RPS6KA2: variants seen among roughly 807,000 people sequenced by gnomAD.
RPS6KA2 encodes ribosomal protein S6 kinase alpha-2.
A neutral mutation model predicts 91.8 loss-of-function variants in RPS6KA2; 42 were observed. That is an observed-to-expected ratio of 0.46 (90% CI 0.36 to 0.59). The LOEUF (loss-of-function observed/expected upper bound fraction) is 0.59, where lower values mean the gene tolerates loss of function less well. Among genes scored for constraint, RPS6KA2 ranks in the 20% least tolerant of loss-of-function variants. The pLI is 0.00. For synonymous variants in RPS6KA2, 414 were observed against 393.6 expected (o/e 1.05, Z -0.61); for missense variants, 798 against 978.5 (o/e 0.82, Z 2.46).
At chr6:166,417,425 A>G (rs1409616897) in intron 19 of RPS6KA2, among the ~76,000 whole-genome samples, 1 of 152,200 alleles carries the variant, frequency 6.6e-6, no homozygotes. Flanking sequence ...GCCTCATCCA[A>G]TCAGTGGAAG....
chr6:166,842,740 T>C (rs1156692065), intron 2 of RPS6KA2, among the ~76,000 whole-genome samples: 1 of 152,116 alleles, frequency 6.6e-6, no homozygotes, highest in East Asian at 1.9e-4. Flanking sequence ...ATCTTAAAAA[T>C]ACAGACAGGG....
intron 2 of RPS6KA2, among the ~76,000 whole-genome samples, chr6:166,853,962 C>A (rs934876367): frequency 6.6e-6 from 1 of 152,378 alleles, no homozygotes; most frequent in Non-Finnish European, 1.5e-5. Context: ...CTAGATTTTT[C>A]TTCCACGACT....
chr6:166,730,822 T>A (rs1375766602), intron 2 of RPS6KA2, among the ~76,000 whole-genome samples: 1 of 152,258 alleles, frequency 6.6e-6, no homozygotes, highest in African/African-American at 2.4e-5. Context: ...GAAACTCATT[T>A]TGATGCTGTT....
intron 2 of RPS6KA2, among the ~76,000 whole-genome samples, chr6:166,532,086 C>T (rs897086507): frequency 1.3e-5 from 2 of 152,212 alleles, no homozygotes; most frequent in African/African-American, 4.8e-5. Flanking sequence ...CACAGGCACA[C>T]GGTGCACTGG....
At chr6:166,415,900 T>C (rs1440446384) in intron 19 of RPS6KA2, among the ~76,000 whole-genome samples, 1 of 136,514 alleles carries the variant, frequency 7.3e-6, no homozygotes, top group Non-Finnish European at 1.6e-5. Context: ...ACCTCCACAA[T>C]CATCCTCACC....
chr6:166,562,964 G>A (rs553510200), intron 1 of RPS6KA2, among the ~76,000 whole-genome samples: 13 of 152,330 alleles, frequency 8.5e-5, no homozygotes, highest in Middle Eastern at 3.4e-3. Context: ...GCGCCCCGGC[G>A]GGACAGACTG....
chr6:166,521,153 C>T (rs1206633592), intron 3 of RPS6KA2, among the ~76,000 whole-genome samples: 6 of 152,224 alleles, frequency 3.9e-5, no homozygotes, highest in African/African-American at 1.4e-4. Context: ...TTCTCTTTTC[C>T]CCACCATGGG....
chr6:166,618,978 C>T (rs1329413540), intron 1 of RPS6KA2, among the ~76,000 whole-genome samples: 3 of 152,064 alleles, frequency 2.0e-5, no homozygotes, highest in Non-Finnish European at 4.4e-5. Context: ...GCCCACAAGC[C>T]CTGTGCGTAT....
chr6:166,613,492 C>T (rs548910318), intron 1 of RPS6KA2, among the ~76,000 whole-genome samples: 21 of 152,176 alleles, frequency 1.4e-4, no homozygotes, highest in Non-Finnish European at 2.6e-4. Context: ...AGCTACTCAC[C>T]CTGCTTCACG....
At chr6:166,718,805 A>C (rs1790092620) in intron 2 of RPS6KA2, among the ~76,000 whole-genome samples, 1 of 152,206 alleles carries the variant, frequency 6.6e-6, no homozygotes, top group Admixed American at 6.5e-5. Context: ...ACTTAATGAA[A>C]AGTGAGATCC....
chr6:166,650,472 G>A (rs932521764), intron 2 of RPS6KA2, among the ~76,000 whole-genome samples: 1 of 151,514 alleles, frequency 6.6e-6, no homozygotes, highest in Non-Finnish European at 1.5e-5. Flanking sequence ...CATGTTCACC[G>A]TCCTCTTTTC....
chr6:166,745,707 G>A lies in RPS6KA2; in HGVS notation c.123+112493C>T, dbSNP rs148386663. ...GGTGACAACAGTGCCTGGGCGCTGC[G>A]GCAAAAATGCTGAGAGCTGGCAGCT... On this transcript the variant is annotated intron_variant, in intron 2 of 21. Coordinates refer to the RPS6KA2 transcript ENST00000503859. Among the ~76,000 whole-genome samples, 210 of 152,144 alleles carry A rather than the reference G, an allele frequency of 1.4e-3. 1 individual carries two copies. Among genetic ancestry groups the A allele is most frequent in the East Asian group, 0.01 (53 of 5,172 alleles).
chr6:166,617,699 A>G (rs1786466404), intron 1 of RPS6KA2, among the ~76,000 whole-genome samples: 1 of 152,250 alleles, frequency 6.6e-6, no homozygotes, highest in Non-Finnish European at 1.5e-5. Flanking sequence ...GTCCATGGCT[A>G]ATTCCTAAGA....
intron 2 of RPS6KA2, among the ~76,000 whole-genome samples, chr6:166,812,977 G>A (rs1253196999): frequency 1.3e-5 from 2 of 152,060 alleles, no homozygotes; most frequent in Admixed American, 6.5e-5. Flanking sequence ...AAGGCCTCAT[G>A]GGGTTTTTTC....
rs78760552 is a variant in RPS6KA2 at position 166,469,684 on chromosome 6, G to A, written c.972+157C>T. 3.0e-3 allele frequency among the ~76,000 whole-genome samples: 457 copies of A among 152,280 alleles called. 2 individuals carry two copies. Among genetic ancestry groups the A allele is most frequent in the Non-Finnish European group, 4.9e-3 (336 of 68,024 alleles). Reference sequence around the variant, plus strand: ...CCCAAGTTGCCAGCCCGCTCAGCAGGGTCCTGGGGGCTCCCTGCCTGCAGG... The same window carrying A: ...CCCAAGTTGCCAGCCCGCTCAGCAGAGTCCTGGGGGCTCCCTGCCTGCAGG... On this transcript the variant is annotated intron_variant, in intron 11 of 20. Transcript: ENST00000265678.
intron 11 of RPS6KA2, among the ~76,000 whole-genome samples, chr6:166,467,001 C>T (rs1036705091): frequency 6.6e-6 from 1 of 152,100 alleles, no homozygotes; most frequent in African/African-American, 2.4e-5. Context: ...CTCACTCACT[C>T]CTTTACTCAT....
At chr6:166,712,849 T>C (rs1562396589) in intron 2 of RPS6KA2, among the ~76,000 whole-genome samples, 1 of 152,234 alleles carries the variant, frequency 6.6e-6, no homozygotes, top group African/African-American at 2.4e-5. Context: ...ACACAGCGTC[T>C]ATCCCGAGCT....
rs1257706792 is a variant in RPS6KA2, at chr6:166,435,529, C to T, written c.1333-3039G>A. ...CCTCTGTCAACAACCAAACACCACA[C>T]ACCAGCTGTTCGCTGAGGTGGCATT... On this transcript the variant is annotated intron_variant, in intron 14 of 20. Coordinates refer to ENST00000265678, the MANE Select transcript of RPS6KA2 (RefSeq NM_021135.6). This position sits in a 1 kb window ranked among gnomAD's most constrained non-coding sequence, Gnocchi z 4.3. Among the ~76,000 whole-genome samples the T allele has an allele frequency of 2.0e-5, 3 of 152,370 alleles. No individual in the cohort carries two copies. Among genetic ancestry groups the T allele is most frequent in the South Asian group, 4.1e-4 (2 of 4,834 alleles).
rs573618566 is a variant in RPS6KA2 at position 166,809,592 on chromosome 6, T to C, written c.123+48608A>G. 3.0e-4 allele frequency among the ~76,000 whole-genome samples: 46 copies of C among 152,240 alleles called. 1 individual carries two copies. The highest frequency in any genetic ancestry group is 1.1e-3 in the African/African-American group (44 of 41,554). On this transcript the variant is annotated intron_variant, in intron 2 of 21. Transcript: ENST00000503859. ...AATGGCTAACATGTATGTAAAGAGA[T>C]GGTTAAAGTCATGTCAGATAAATGC...
Sources: allele counts gnomAD v4.1 joint callset (sites outside exome capture counted in the v4.1 genomes callset), GRCh38; gene constraint gnomAD v4.1.1; non-coding constraint Gnocchi (gnomAD v3.1); transcripts MANE v1.5; gene names NCBI Gene and HGNC (gene_info 2026-07-23, HGNC 2026-07-21).